The following NDUFS4 variants were observed in gnomAD, a reference collection of about 807,000 sequenced individuals.
NDUFS4 encodes the protein NADH dehydrogenase [ubiquinone] iron-sulfur protein 4, mitochondrial.
A neutral mutation model predicts 24.3 loss-of-function variants in NDUFS4; 28 were observed. The observed-to-expected ratio is 1.15, with a 90% CI of 0.85 to 1.58. NDUFS4 has a LOEUF of 1.58. NDUFS4 is among the 40% of genes most tolerant of loss of function. The probability of loss-of-function intolerance (pLI) is 0.00; values close to 1 mark genes in which losing one functional copy is unlikely to be tolerated. For missense variants in NDUFS4, 223 were observed against 207.9 expected (o/e 1.07, Z -0.45); for synonymous variants, 93 against 69.7 (o/e 1.34, Z -1.67).
chr5:53,599,870 C>G (rs1238095528), intron 1 of NDUFS4, among the ~76,000 whole-genome samples: 1 of 151,980 alleles, frequency 6.6e-6, no homozygotes, highest in Non-Finnish European at 1.5e-5. Flanking sequence ...TTCCTTCCAT[C>G]TACCATTTCA....
At chr5:53,642,405 C>G (rs543145782) in intron 2 of NDUFS4, among the ~76,000 whole-genome samples, 3 of 152,126 alleles carry the variant, frequency 2.0e-5, no homozygotes, top group East Asian at 3.9e-4. Context: ...CTCCTTTATA[C>G]AAATCAACCG....
At chr5:53,610,372 A>G (rs1012466586) in intron 2 of NDUFS4, among the ~76,000 whole-genome samples, 6 of 152,162 alleles carry the variant, frequency 3.9e-5, no homozygotes, top group African/African-American at 1.2e-4. Flanking sequence ...AACAATTACA[A>G]TAGTAACATC....
At chr5:53,635,371 T>C (rs1341874233) in intron 2 of NDUFS4, among the ~76,000 whole-genome samples, 2 of 149,322 alleles carry the variant, frequency 1.3e-5, no homozygotes, top group African/African-American at 4.9e-5. Context: ...ATGCAAAAAA[T>C]TAGCCAGGCA....
intron 2 of NDUFS4, among the ~76,000 whole-genome samples, chr5:53,608,151 G>C (rs899559044): frequency 3.9e-5 from 6 of 152,142 alleles, no homozygotes; most frequent in Non-Finnish European, 8.8e-5. Flanking sequence ...TAAAAGTTAT[G>C]TTTCTACCAC....
At chr5:53,660,922 T>C (rs1752323490) in intron 4 of NDUFS4, among the ~76,000 whole-genome samples, 2 of 152,216 alleles carry the variant, frequency 1.3e-5, no homozygotes, top group Non-Finnish European at 2.9e-5. Flanking sequence ...ATGACCAGAT[T>C]GCAAAAATTT....
chr5:53,572,947 GTTGTTTTTTGTTTTTTTTTT>G (rs1465773387), intron 1 of NDUFS4, among the ~76,000 whole-genome samples: 156 of 130,988 alleles, frequency 1.2e-3, no homozygotes, highest in Non-Finnish European at 1.9e-3. Context: ...CCTGGCCTTT[GTTGTTTTTTGTTTTTTTTTT>G]TTGTTTTTTT....
intron 1 of NDUFS4, among the ~76,000 whole-genome samples, chr5:53,564,256 A>G (rs1748949391): frequency 6.6e-6 from 1 of 152,184 alleles, no homozygotes; most frequent in Admixed American, 6.5e-5. Context: ...AAGGTTGACA[A>G]GAATTCTGTT....
chr5:53,572,957 G>GTTTTTTTTTT (rs796960315), intron 1 of NDUFS4, among the ~76,000 whole-genome samples: 28 of 103,308 alleles, frequency 2.7e-4, no homozygotes, highest in Non-Finnish European at 3.5e-4. Flanking sequence ...GTTGTTTTTT[G>GTTTTTTTTTT]TTTTTTTTTT....
chr5:53,672,490 A>G (rs529141616), intron 4 of NDUFS4, among the ~76,000 whole-genome samples: 2 of 152,292 alleles, frequency 1.3e-5, no homozygotes, highest in African/African-American at 4.8e-5. Context: ...TCAATTGTGT[A>G]CAACCTAAAA....
At chr5:53,655,836 G>A (rs138346374) in intron 3 of NDUFS4, among the ~76,000 whole-genome samples, 6 of 152,260 alleles carry the variant, frequency 3.9e-5, no homozygotes, top group African/African-American at 9.6e-5. Flanking sequence ...AAAAAGGCAC[G>A]GCCTTTCTGA....
At chr5:53,673,175 T>G (rs1458252082) in intron 4 of NDUFS4, among the ~76,000 whole-genome samples, 1 of 152,156 alleles carries the variant, frequency 6.6e-6, no homozygotes, top group Non-Finnish European at 1.5e-5. Flanking sequence ...CCCATGAAAT[T>G]TAACCTTGGG....
At chr5:53,625,663 A>G (rs1263601220) in intron 2 of NDUFS4, among the ~76,000 whole-genome samples, 1 of 152,146 alleles carries the variant, frequency 6.6e-6, no homozygotes, top group Non-Finnish European at 1.5e-5. Context: ...TTATCATTTT[A>G]GATACTATAT....
At chr5:53,639,385 C>A (rs1302915213) in intron 2 of NDUFS4, among the ~76,000 whole-genome samples, 3 of 151,668 alleles carry the variant, frequency 2.0e-5, no homozygotes, top group Non-Finnish European at 4.4e-5. Flanking sequence ...TGTATAAAAG[C>A]AATATTCCAA....
chr5:53,636,084 G>C (rs1751543253), intron 2 of NDUFS4, among the ~76,000 whole-genome samples: 1 of 152,198 alleles, frequency 6.6e-6, no homozygotes, highest in South Asian at 2.1e-4. Context: ...GGGTCTCACT[G>C]TGTGGCCCTG....
chr5:53,585,228 A>G (rs1258532654), intron 1 of NDUFS4, among the ~76,000 whole-genome samples: 1 of 152,200 alleles, frequency 6.6e-6, no homozygotes, highest in East Asian at 1.9e-4. Flanking sequence ...GTACTTATTA[A>G]AAAGTCATTG....
chr5:53,609,535 C>T (rs529372489), intron 2 of NDUFS4, among the ~76,000 whole-genome samples: 4 of 152,018 alleles, frequency 2.6e-5, no homozygotes, highest in Admixed American at 6.6e-5. Context: ...TCTTAAGGGC[C>T]CTAGGGTTTT....
intron 4 of NDUFS4, among the ~76,000 whole-genome samples, chr5:53,681,393 GCTTT>G (rs1462655165): frequency 6.6e-6 from 1 of 152,086 alleles, no homozygotes; most frequent in Non-Finnish European, 1.5e-5. Context: ...AAGTCAGGGT[GCTTT>G]CTAAGCACTT....
At chr5:53,604,990 G>A (rs1175804386) in intron 2 of NDUFS4, 7 of 409,654 alleles carry the variant, frequency 1.7e-5, no homozygotes, top group Non-Finnish European at 2.9e-5. Flanking sequence ...GGGAGGCTGA[G>A]GCGGGTGGAT....
At chr5:53,659,784 T>C (rs912026372) in intron 4 of NDUFS4, among the ~76,000 whole-genome samples, 2 of 152,178 alleles carry the variant, frequency 1.3e-5, no homozygotes, top group African/African-American at 2.4e-5. Flanking sequence ...GCTTTTCTTT[T>C]TCACCTAGTA....
Sources: gnomAD v4.1 joint callset for allele counts (sites outside exome capture counted in the v4.1 genomes callset) on GRCh38, gnomAD v4.1.1 for gene constraint, MANE v1.5 for transcripts, NCBI Gene and HGNC (gene_info 2026-07-23, HGNC 2026-07-21) for gene names.